CRP: variants seen among roughly 807,000 people sequenced by gnomAD.
CRP encodes the protein C-reactive protein, pentraxin-related.
In CRP, 6 loss-of-function variants were observed where a neutral mutation model predicts 3.0. The ratio of observed to expected loss-of-function variants is 2.02; its 90% CI spans 1.11 to 3.99. The LOEUF (loss-of-function observed/expected upper bound fraction) is 3.99, where lower values mean the gene tolerates loss of function less well. CRP is among the 30% of genes most tolerant of loss of function. The probability of loss-of-function intolerance (pLI) is 0.00; values close to 1 mark genes in which losing one functional copy is unlikely to be tolerated. For missense variants in CRP, 297 were observed against 271.0 expected, an observed-to-expected ratio of 1.10 and a Z score of -0.67; for synonymous variants, 130 against 111.0, an observed-to-expected ratio of 1.17 and a Z score of -1.08.
In CRP at chr1:159,713,938, C is replaced by T. The variant is rs778117463; in HGVS notation, c.262G>A (p.Asp88Asn). 17 of 1,613,938 alleles carry T rather than the reference C, an allele frequency of 1.1e-5. No homozygotes were observed. The highest frequency in any genetic ancestry group is 1.4e-5 in the Non-Finnish European group (16 of 1,180,010). The change falls in exon 2 of 2, where the codon GAT becomes AAT. Residue 88 changes from aspartate (D) to asparagine (N), a missense_variant. Asp to Asn is a conservative substitution (Grantham distance 23). Transcript: ENST00000255030. ...DNEILIFWSK[D>N]IGYSFTVGGS... ...CCCACTGTAAAACTGTATCCTATAT[C>T]CTTAGACCAAAATATGAGAATCTCA...
rs865849606 is a variant in CRP, at chr1:159,713,931, C to T, written c.269G>A (p.Gly90Glu). Residue 90 changes from glycine to glutamate, a missense_variant, in exon 2 of 2, where the codon GGA becomes GAA. Physicochemically the swap from Gly to Glu is moderately conservative, Grantham distance 98. Coordinates refer to ENST00000255030, the MANE Select transcript of CRP (RefSeq NM_000567.3). ...AGACCCACCCACTGTAAAACTGTAT[C>T]CTATATCCTTAGACCAAAATATGAG... ...EILIFWSKDI[G>E]YSFTVGGSEI... 1 of 1,613,988 alleles carries T rather than the reference C, an allele frequency of 6.2e-7. No homozygotes were observed. The highest frequency in any genetic ancestry group is 8.5e-7 in the Non-Finnish European group (1 of 1,180,014).
chr1:159,714,170 G>A (rs1364166694), intron 1 of CRP, 32 bp from the exon 2 acceptor site: 1 of 1,590,022 alleles, frequency 6.3e-7, no homozygotes, highest in Non-Finnish European at 8.5e-7. Context: ...AAATGTGAGA[G>A]GTTTCTCAGA....
chr1:159,714,184 C>G, intron 1 of CRP, 46 bp from the exon 2 acceptor site: 1 of 1,580,062 alleles, frequency 6.3e-7, no homozygotes, highest in Non-Finnish European at 8.6e-7. Flanking sequence ...TCTCAGATCA[C>G]ACAGATCTAT....
chr1:159,714,186 C>G, intron 1 of CRP, 48 bp from the exon 2 acceptor site: 1 of 1,567,992 alleles, frequency 6.4e-7, no homozygotes, highest in African/African-American at 1.4e-5. Flanking sequence ...TCAGATCACA[C>G]AGATCTATCC....
Position 159,713,524 on chromosome 1 carries a change from C to A in CRP, c.*1G>T. Reference sequence around the variant, plus strand: ...GTACCTTCAGGACCCACAGCTGGGCCTCAGGGCCACAGCTGGGGTTTGGTG... The same window carrying A: ...GTACCTTCAGGACCCACAGCTGGGCATCAGGGCCACAGCTGGGGTTTGGTG... On this transcript the variant is annotated 3_prime_UTR_variant, in exon 2 of 2. Transcript: ENST00000255030. 1 of 1,606,712 alleles carries A rather than the reference C, an allele frequency of 6.2e-7. No individual in the cohort carries two copies. The highest frequency in any genetic ancestry group is 1.1e-5 in the South Asian group (1 of 90,552).
At position 159,713,472 on chromosome 1, in the gene CRP, G is replaced by A. The variant is rs1340959068; in HGVS notation, c.*53C>T. 24 of 1,551,430 alleles carry A rather than the reference G, an allele frequency of 1.5e-5. No individual in the cohort carries two copies. The highest frequency in any genetic ancestry group is 4.3e-5 in the African/African-American group (3 of 70,558). ...GGAGGTACCAGAGACAGAGACGTGGGGCCCATGCGGTGTAAAAAACCGGGA... is the reference window on the plus strand; with the variant it reads ...GGAGGTACCAGAGACAGAGACGTGGAGCCCATGCGGTGTAAAAAACCGGGA... On this transcript the variant is annotated 3_prime_UTR_variant, in exon 2 of 2. Coordinates refer to ENST00000255030, the MANE Select transcript of CRP (RefSeq NM_000567.3).
At chr1:159,714,202 C>T in intron 1 of CRP, 64 bp from the exon 2 acceptor site, 1 of 1,551,328 alleles carries the variant, frequency 6.4e-7, no homozygotes, top group Non-Finnish European at 8.6e-7. Flanking sequence ...TATCCCCTCA[C>T]TTACGTATAG....
chr1:159,714,429 C>G lies in CRP; in HGVS notation c.57G>C (p.Gln19His), dbSNP rs949854273. ...VLTSLSHAFG[Q>H]TDMSRKAFVF... The stretch of plus-strand genomic sequence containing the variant: ...ATAGCCTGGGGTGGCCCTTACCTGT[C>G]TGGCCAAAAGCATGAGAGAGGCTGG... The change falls in exon 1 of 2, where the codon CAG becomes CAC. Residue 19 changes from glutamine (Q) to histidine (H), a missense_variant. Coordinates refer to ENST00000255030, the MANE Select transcript of CRP (RefSeq NM_000567.3). 4 of 1,612,736 alleles carry G rather than the reference C, an allele frequency of 2.5e-6. No individual in the cohort carries two copies. Among genetic ancestry groups the G allele is most frequent in the African/African-American group, 1.3e-5 (1 of 74,530 alleles).
chr1:159,714,337 T>C, intron 1 of CRP, 88 bp downstream of exon 1: 3 of 1,219,396 alleles, frequency 2.5e-6, no homozygotes, highest in Non-Finnish European at 3.4e-6. Flanking sequence ...CAGTCTTTTT[T>C]TTTTTTTTTT....
chr1:159,714,382 T>C, intron 1 of CRP, 43 bp downstream of exon 1: 3 of 1,358,436 alleles, frequency 2.2e-6, no homozygotes, highest in Non-Finnish European at 3.1e-6. Flanking sequence ...CCCACCCCCA[T>C]ACCTCAGATC....
rs1660733306 is a variant in CRP, at chr1:159,713,570, A to G, written c.630T>C (p.Tyr210=). The G allele has an allele frequency of 1.2e-6, 2 of 1,613,872 alleles. No homozygotes were observed. Among genetic ancestry groups the G allele is most frequent in the Non-Finnish European group, 1.7e-6 (2 of 1,180,028 alleles). The stretch of plus-strand genomic sequence containing the variant: ...TGGTGAACACTTCGCCTTGCACTTC[A>G]TACTTCAGTGCCCGCCAGTTCAGGA... ...PNVLNWRALK[Y]EVQGEVFTKP... The change falls in exon 2 of 2, where the codon TAT becomes TAC. Residue 210 remains tyrosine, a synonymous_variant. Transcript: ENST00000255030.
chr1:159,714,409 C>T lies in CRP; in HGVS notation c.61+16G>A, dbSNP rs934783601. ...CCTCAGATCAAATCTCTCCCATAGC[C>T]TGGGGTGGCCCTTACCTGTCTGGCC... On this transcript the variant is annotated intron_variant, in intron 1 of 1. Coordinates refer to ENST00000255030, the MANE Select transcript of CRP (RefSeq NM_000567.3). 2.5e-6 allele frequency: 4 copies of T among 1,612,328 alleles called. No homozygotes were observed. Among genetic ancestry groups the T allele is most frequent in the Middle Eastern group, 1.7e-4 (1 of 5,858 alleles).
At chr1:159,714,256 ACCACACACAC>A in intron 1 of CRP, 118 bp from the exon 2 acceptor site, 1 of 941,212 alleles carries the variant, frequency 1.1e-6, no homozygotes, top group Non-Finnish European at 1.5e-6. Flanking sequence ...CCAGTTACAC[ACCACACACAC>A]ACACACACAC....
chr1:159,714,503 A>T lies in CRP; in HGVS notation c.-18T>A. ...TTCTCCATGGTCACGTCCTGCTGCC[A>T]GTGATACAAGGGCCTGAATTCACTC... On this transcript the variant is annotated 5_prime_UTR_variant, in exon 1 of 2. Transcript: ENST00000255030. 6.2e-7 allele frequency: 1 copy of T among 1,613,764 alleles called. No individual in the cohort carries two copies. The highest frequency in any genetic ancestry group is 8.5e-7 in the Non-Finnish European group (1 of 1,179,952).
rs769102087 is a variant in CRP at position 159,713,769 on chromosome 1, G to C, written c.431C>G (p.Thr144Ser). 6.2e-7 allele frequency: 1 copy of C among 1,614,106 alleles called. No individual in the cohort carries two copies. The highest frequency in any genetic ancestry group is 8.5e-7 in the Non-Finnish European group (1 of 1,180,020). The change falls in exon 2 of 2, where the codon ACT becomes AGT. Residue 144 changes from threonine to serine, a missense_variant. Physicochemically the swap from Thr to Ser is moderately conservative, Grantham distance 58. Transcript: ENST00000255030. ...RVRKSLKKGY[T>S]VGAEASIILG... ...GATGATGCTTGCTTCTGCCCCCACA[G>C]TGTATCCCTTCTTCAGACTCTTCCT... is the stretch of plus-strand genomic sequence containing the variant.
At position 159,713,984 on chromosome 1, in the gene CRP, A is replaced by C; in HGVS notation, c.216T>G (p.Tyr72Ter). ...SSTRGYSIFS[Y>*]ATKRQDNEIL... ...TCTCATTGTCTTGTCTCTTGGTGGC[A>C]TACGAGAAAATACTGTACCCACGGG... Residue 72 changes from tyrosine to a stop codon, truncating the protein, a stop_gained, in exon 2 of 2, where the codon TAT (tyrosine) becomes TAG (stop). Transcript: ENST00000255030. LOFTEE classifies it low-confidence loss of function (END_TRUNC). The C allele has an allele frequency of 6.2e-7, 1 of 1,613,656 alleles. No individual in the cohort carries two copies. The highest frequency in any genetic ancestry group is 8.5e-7 in the Non-Finnish European group (1 of 1,180,020).
In CRP at chr1:159,714,516, C is replaced by A. The variant is rs773661507; in HGVS notation, c.-31G>T. 3 of 1,612,838 alleles carry A rather than the reference C, an allele frequency of 1.9e-6. No homozygotes were observed. Among genetic ancestry groups the A allele is most frequent in the South Asian group, 1.1e-5 (1 of 90,916 alleles). On this transcript the variant is annotated 5_prime_UTR_variant, in exon 1 of 2. Transcript: ENST00000255030. The stretch of plus-strand genomic sequence containing the variant: ...CGTCCTGCTGCCAGTGATACAAGGG[C>A]CTGAATTCACTCCTTTGGAAAAGAT...
Position 159,713,950 on chromosome 1 carries a change from A to G in CRP, c.250T>C (p.Phe84Leu), listed in dbSNP as rs1164735909. The change falls in exon 2 of 2, where the codon TTT becomes CTT. Residue 84 changes from phenylalanine (F) to leucine (L), a missense_variant. Phe to Leu is a conservative substitution (Grantham distance 22). Coordinates refer to ENST00000255030, the MANE Select transcript of CRP (RefSeq NM_000567.3). ...TKRQDNEILI[F>L]WSKDIGYSFT... Reference sequence around the variant, plus strand: ...CTGTATCCTATATCCTTAGACCAAAATATGAGAATCTCATTGTCTTGTCTC... The same window carrying G: ...CTGTATCCTATATCCTTAGACCAAAGTATGAGAATCTCATTGTCTTGTCTC... The G allele has an allele frequency of 3.1e-6, 5 of 1,613,794 alleles. No homozygotes were observed. The African/African-American group carries it at 5.3e-5, about 17-fold the overall frequency.
chr1:159,714,171 G>C (rs375531287), intron 1 of CRP, 33 bp from the exon 2 acceptor site: 1 of 1,589,166 alleles, frequency 6.3e-7, no homozygotes, highest in Non-Finnish European at 8.5e-7. Context: ...AATGTGAGAG[G>C]TTTCTCAGAT....
Sources: gnomAD v4.1 joint callset for allele counts on GRCh38, gnomAD v4.1.1 for gene constraint, MANE v1.5 for transcripts, NCBI Gene and HGNC (gene_info 2026-07-23, HGNC 2026-07-21) for gene names.